The following ATP10A variants were observed in gnomAD, a reference collection of about 807,000 sequenced individuals.
The protein encoded by ATP10A is phospholipid-transporting ATPase VA.
ATP10A carries 111 observed loss-of-function variants against 147.8 expected under a neutral mutation model. That is an observed-to-expected ratio of 0.75 (90% CI 0.64 to 0.88). The LOEUF is 0.88. Among genes scored for constraint, ATP10A ranks in the 40% least tolerant of loss-of-function variants. The pLI, the probability that ATP10A is intolerant of heterozygous loss-of-function variation, is 0.00. For synonymous variants in ATP10A, 875 were observed against 841.6 expected (o/e 1.04, Z -0.69); for missense variants, 1,927 against 1,959.0 (o/e 0.98, Z 0.31).
chr15:25,808,689 C>G (rs138282202), intron 1 of ATP10A, among the ~76,000 whole-genome samples: 2 of 152,324 alleles, frequency 1.3e-5, no homozygotes, highest in African/African-American at 4.8e-5. Context: ...TGGCTGAGAA[C>G]AGTTTTATAA....
chr15:25,831,884 C>T (rs1218527867), intron 1 of ATP10A, among the ~76,000 whole-genome samples: 1 of 152,186 alleles, frequency 6.6e-6, no homozygotes, highest in Non-Finnish European at 1.5e-5. Flanking sequence ...GTGACTTTGG[C>T]GATTACACTG....
chr15:25,800,232 A>T (rs74003900), intron 1 of ATP10A, among the ~76,000 whole-genome samples: 8 of 152,274 alleles, frequency 5.3e-5, no homozygotes, highest in African/African-American at 1.9e-4. Flanking sequence ...TAAAGACAGA[A>T]TCGGCATTGC....
chr15:25,858,138 T>C (rs919251356), intron 1 of ATP10A, among the ~76,000 whole-genome samples: 3 of 152,200 alleles, frequency 2.0e-5, no homozygotes, highest in African/African-American at 7.2e-5. Context: ...AATGGCAATG[T>C]GGAAATAATA....
chr15:25,741,909 G>T (rs552410468), intron 2 of ATP10A, among the ~76,000 whole-genome samples: 2 of 152,254 alleles, frequency 1.3e-5, no homozygotes, highest in South Asian at 4.1e-4. Context: ...AACACCGAAC[G>T]TACAAGGAAA....
chr15:25,739,115 G>A (rs1251470457), intron 2 of ATP10A, among the ~76,000 whole-genome samples: 1 of 152,116 alleles, frequency 6.6e-6, no homozygotes, highest in African/African-American at 2.4e-5. Context: ...TGTCATCCAG[G>A]CTGGAGTGCA....
chr15:25,821,369 T>G (rs1891873491), intron 1 of ATP10A, among the ~76,000 whole-genome samples: 2 of 150,600 alleles, frequency 1.3e-5, no homozygotes. Flanking sequence ...CCAGCCTGGG[T>G]GACAGAGTAA....
chr15:25,792,993 C>A (rs1890503584), intron 1 of ATP10A, among the ~76,000 whole-genome samples: 1 of 151,776 alleles, frequency 6.6e-6, no homozygotes, highest in African/African-American at 2.4e-5. Context: ...GCCTCAGCCT[C>A]CCGAGTAGCT....
upstream of ATP10A, among the ~76,000 whole-genome samples, chr15:25,863,983 A>G (rs915320668): frequency 1.8e-4 from 27 of 152,212 alleles, no homozygotes; most frequent in African/African-American, 6.5e-4. Context: ...ATATATCGCT[A>G]TAGCAAAGAC....
chr15:25,845,948 T>G (rs928103186), intron 1 of ATP10A, among the ~76,000 whole-genome samples: 3 of 152,228 alleles, frequency 2.0e-5, no homozygotes, highest in African/African-American at 7.2e-5. Flanking sequence ...GATGTGGTGG[T>G]GGGTTCATGC....
intron 2 of ATP10A, among the ~76,000 whole-genome samples, chr15:25,780,065 C>T (rs67702903): frequency 0.36 from 55,082 of 152,074 alleles, 10,708 homozygotes; most frequent in African/African-American, 0.5. Flanking sequence ...CTAGAGCCCC[C>T]CACAACCCTG....
chr15:25,796,675 T>G (rs1329114435), intron 1 of ATP10A, among the ~76,000 whole-genome samples: 1 of 152,134 alleles, frequency 6.6e-6, no homozygotes, highest in Non-Finnish European at 1.5e-5. Flanking sequence ...GAGGCAGACA[T>G]CGTCAGAGCC....
intron 2 of ATP10A, among the ~76,000 whole-genome samples, chr15:25,758,967 C>T (rs560613635): frequency 2.0e-5 from 3 of 152,310 alleles, no homozygotes; most frequent in African/African-American, 7.2e-5. Flanking sequence ...CGCCAAAGCA[C>T]TTACCCTGTC....
intron 1 of ATP10A, among the ~76,000 whole-genome samples, chr15:25,814,011 C>A (rs916176426): frequency 3.3e-5 from 5 of 152,024 alleles, no homozygotes; most frequent in African/African-American, 1.2e-4. Flanking sequence ...TTACTGAAAA[C>A]CATACAGCCA....
downstream of ATP10A, among the ~76,000 whole-genome samples, chr15:25,672,290 T>C (rs531459712): frequency 9.2e-5 from 14 of 152,342 alleles, no homozygotes; most frequent in Middle Eastern, 6.8e-3. Context: ...GTCCTCTAGG[T>C]TCATCTGTGT....
intron 1 of ATP10A, among the ~76,000 whole-genome samples, chr15:25,801,624 T>G (rs1469970982): frequency 6.6e-6 from 1 of 152,196 alleles, no homozygotes; most frequent in Non-Finnish European, 1.5e-5. Flanking sequence ...CATGTTACAG[T>G]GGTTTAATCC....
chr15:25,791,004 C>T (rs1890394004), intron 1 of ATP10A, among the ~76,000 whole-genome samples: 1 of 151,974 alleles, frequency 6.6e-6, no homozygotes, highest in Non-Finnish European at 1.5e-5. Context: ...ATTCACACTC[C>T]TCCGTCAGTA....
intron 1 of ATP10A, among the ~76,000 whole-genome samples, chr15:25,784,909 G>A (rs1264641561): frequency 6.7e-5 from 10 of 149,408 alleles, no homozygotes; most frequent in Admixed American, 1.3e-4. Flanking sequence ...GTGACGGAGC[G>A]AGACCCCGTG....
intron 6 of ATP10A, 147 bp from the exon 7 acceptor site, chr15:25,722,056 TAG>T: frequency 2.3e-6 from 2 of 851,626 alleles, no homozygotes; most frequent in South Asian, 1.8e-5. Context: ...TAGGTTGGTT[TAG>T]AGTCAGTATT....
At chr15:25,850,309 T>TC (rs1456420776) in intron 1 of ATP10A, among the ~76,000 whole-genome samples, 3 of 152,070 alleles carry the variant, frequency 2.0e-5, no homozygotes, top group African/African-American at 7.2e-5. Context: ...CTCACAATGC[T>TC]CTCGGTTTTC....
Sources: allele counts gnomAD v4.1 joint callset (sites outside exome capture counted in the v4.1 genomes callset), GRCh38; gene constraint gnomAD v4.1.1; transcripts MANE v1.5; gene names NCBI Gene and HGNC (gene_info 2026-07-23, HGNC 2026-07-21).